AP2A2: variants seen among roughly 807,000 people sequenced by gnomAD.
The protein encoded by AP2A2 is adaptor related protein complex 2 subunit alpha 2.
A neutral mutation model predicts 104.2 loss-of-function variants in AP2A2; 32 were observed. The ratio of observed to expected loss-of-function variants is 0.31; its 90% CI spans 0.23 to 0.41. The LOEUF (loss-of-function observed/expected upper bound fraction) is 0.41. Ranked by LOEUF, AP2A2 falls within the 10% of genes least tolerant of loss-of-function variation. The pLI, the probability that AP2A2 is intolerant of heterozygous loss-of-function variation, is 1.00. For missense variants in AP2A2, 912 were observed against 1,261.0 expected (o/e 0.72, Z 4.19); for synonymous variants, 539 against 533.3 (o/e 1.01, Z -0.15).
At chr11:989,328 T>C (rs1408406860) in intron 10 of AP2A2, among the ~76,000 whole-genome samples, 2 of 150,798 alleles carry the variant, frequency 1.3e-5, no homozygotes, top group Non-Finnish European at 3.0e-5. Context: ...AGCGAAACTC[T>C]GTCTCAAAAA....
chr11:978,074 G>C (rs1855111100), intron 5 of AP2A2, among the ~76,000 whole-genome samples: 1 of 152,224 alleles, frequency 6.6e-6, no homozygotes. Flanking sequence ...AATGCCCTCT[G>C]ACAGCCCCAG....
rs546231359 is a variant in AP2A2, at chr11:1,007,800, G to T, written c.2297-212G>T. 5.8e-5 allele frequency: 37 copies of T among 636,884 alleles called. No individual in the cohort carries two copies. In the South Asian group the frequency reaches 6.2e-4, roughly 11 times the overall value. 39.5% of individuals were successfully genotyped at this position (636,884 alleles called of 1,614,324 possible). A position where few individuals can be genotyped will look rare whatever the true frequency, so the allele number is the denominator to read the frequency against. On this transcript the variant is annotated intron_variant, in intron 17 of 21. Coordinates refer to ENST00000448903, the MANE Select transcript of AP2A2 (RefSeq NM_012305.4). ...CTAAGTGACTTTTTAAAATGGAGGA[G>T]CCATTCTGGAAGCGTGAGAAGCAGA...
In AP2A2 at chr11:1,011,537, C is replaced by T; in HGVS notation, c.*912C>T. ...AAGTGAAGGGGCCATTGGCCGCATG[C>T]CATGTGCCACCTGCGGCTTGTGTCT... On this transcript the variant is annotated 3_prime_UTR_variant, in exon 22 of 22. Transcript: ENST00000448903. The T allele has an allele frequency of 6.3e-6, 3 of 476,532 alleles. No individual in the cohort carries two copies. The highest frequency in any genetic ancestry group is 2.3e-5 in the Admixed American group (1 of 44,254). The allele number at this position is 476,532 out of a possible 1,614,324, so 29.5% of individuals were successfully genotyped here. A position where few individuals can be genotyped will look rare whatever the true frequency, so the allele number is the denominator to read the frequency against.
chr11:1,004,330 G>T (rs888387783), intron 16 of AP2A2, among the ~76,000 whole-genome samples: 1 of 152,124 alleles, frequency 6.6e-6, no homozygotes, highest in African/African-American at 2.4e-5. Context: ...AAAATTAGCT[G>T]GGTGTAGTGG....
At chr11:971,867 G>C (rs1323081380) in intron 3 of AP2A2, among the ~76,000 whole-genome samples, 195 bp from the exon 4 acceptor site, 1 of 152,158 alleles carries the variant, frequency 6.6e-6, no homozygotes, top group Admixed American at 6.5e-5. Flanking sequence ...CATCGTAGCA[G>C]AGGCATCCTC....
intron 7 of AP2A2, 72 bp from the exon 8 acceptor site, chr11:985,363 T>G: frequency 1.3e-6 from 2 of 1,536,844 alleles, no homozygotes; most frequent in Non-Finnish European, 1.8e-6. Flanking sequence ...GATGTATGGG[T>G]GCAGCCGGGA....
intron 15 of AP2A2, among the ~76,000 whole-genome samples, chr11:1,001,732 C>A (rs1331913494): frequency 6.6e-6 from 1 of 152,056 alleles, no homozygotes; most frequent in Non-Finnish European, 1.5e-5. Flanking sequence ...AGGAAGGGAC[C>A]AGGGGCTGGG....
At chr11:964,777 A>G (rs1854556514) in intron 2 of AP2A2, among the ~76,000 whole-genome samples, 1 of 136,170 alleles carries the variant, frequency 7.3e-6, no homozygotes, top group Non-Finnish European at 1.7e-5. Context: ...AGGAAATGCC[A>G]AAGGAAATAA....
intron 10 of AP2A2, among the ~76,000 whole-genome samples, chr11:991,288 G>A (rs1375665707): frequency 1.3e-5 from 2 of 152,260 alleles, no homozygotes; most frequent in East Asian, 3.8e-4. Flanking sequence ...GCCATCCATG[G>A]AGGGGGACGG....
At chr11:983,435 T>C (rs535834117) in intron 6 of AP2A2, among the ~76,000 whole-genome samples, 13 of 151,814 alleles carry the variant, frequency 8.6e-5, no homozygotes, top group East Asian at 3.9e-4. Flanking sequence ...CAGGCTGGAG[T>C]GCAGTGGCAC....
At chr11:1,004,393 A>C (rs1856131759) in intron 16 of AP2A2, among the ~76,000 whole-genome samples, 1 of 152,136 alleles carries the variant, frequency 6.6e-6, no homozygotes, top group Non-Finnish European at 1.5e-5. Flanking sequence ...GAATCACTTG[A>C]ACCTGGGAGG....
rs908182102 is a variant in AP2A2 at position 968,468 on chromosome 11, C to T, written c.137-1701C>T. On this transcript the variant is annotated intron_variant, in intron 2 of 21. Transcript: ENST00000448903. The surrounding 1 kb of genome is among the most constrained non-coding windows in gnomAD (Gnocchi z 4.2). ...TCTCCATCCCCGTCCCCATCCCTGTCCCACAAAACTCAGCCCAGTCGGGCC... is the reference window on the plus strand; with the variant it reads ...TCTCCATCCCCGTCCCCATCCCTGTTCCACAAAACTCAGCCCAGTCGGGCC... 1.3e-5 allele frequency among the ~76,000 whole-genome samples: 2 copies of T among 152,144 alleles called. No homozygotes were observed. The highest frequency in any genetic ancestry group is 4.8e-5 in the African/African-American group (2 of 41,430).
chr11:1,008,168 G>A (rs920315954), intron 18 of AP2A2, 33 bp downstream of exon 18: 3 of 1,567,272 alleles, frequency 1.9e-6, no homozygotes, highest in African/African-American at 1.3e-5. Context: ...GGGCCAAGGG[G>A]TGTGTGGGCG....
chr11:975,967 C>T (rs1286207248), intron 4 of AP2A2, among the ~76,000 whole-genome samples: 1 of 152,052 alleles, frequency 6.6e-6, no homozygotes, highest in African/African-American at 2.4e-5. Context: ...AGGAGTGTGG[C>T]ATGCTGGGCG....
At chr11:942,464 G>C (rs1011548531) in intron 1 of AP2A2, 5 of 152,204 alleles carry the variant, frequency 3.3e-5, no homozygotes, top group Admixed American at 2.6e-4. Context: ...CAAAGGAAAG[G>C]CATGGGGCCT....
At chr11:994,277 T>C (rs1266677263) in intron 14 of AP2A2, 32 bp downstream of exon 14, 5 of 1,606,766 alleles carry the variant, frequency 3.1e-6, no homozygotes, top group Non-Finnish European at 4.3e-6. Context: ...CACCCAGACC[T>C]GTCAGGGCCT....
intron 2 of AP2A2, among the ~76,000 whole-genome samples, chr11:967,456 G>T (rs890806152): frequency 2.6e-5 from 4 of 151,914 alleles, no homozygotes; most frequent in Non-Finnish European, 5.9e-5. Context: ...CTGCCTCCCG[G>T]GTTCATGCCA....
chr11:944,193 A>G (rs1853755461), intron 1 of AP2A2, among the ~76,000 whole-genome samples: 1 of 152,236 alleles, frequency 6.6e-6, no homozygotes, highest in Non-Finnish European at 1.5e-5. Context: ...GTAGAGACTG[A>G]CATGGCACCT....
Position 926,062 on chromosome 11 carries a change from C to A in AP2A2, c.41C>A (p.Ala14Glu). The change falls in exon 1 of 22, where the codon GCG (alanine) becomes GAG (glutamate). Residue 14 changes from alanine to glutamate, a missense_variant. Around this residue, in one of 7 missense-constraint regions of AP2A2, gnomAD observed 43 missense variants for 47.0 expected, o/e 0.91. Transcript: ENST00000448903. ...AAGGGGGACGGGATGCGGGGCCTGG[C>A]GGTCTTCATCTCGGATATCCGCAAC... ...VSKGDGMRGL[A>E]VFISDIRNCK... The A allele has an allele frequency of 7.3e-7, 1 of 1,372,380 alleles. No homozygotes were observed. The highest frequency in any genetic ancestry group is 9.5e-7 in the Non-Finnish European group (1 of 1,051,810). The allele number at this position is 1,372,380 out of a possible 1,614,324, so 85.0% of individuals were successfully genotyped here.
Sources: allele counts gnomAD v4.1 joint callset (sites outside exome capture counted in the v4.1 genomes callset), GRCh38; gene constraint gnomAD v4.1.1; regional missense constraint gnomAD v4.1.1; non-coding constraint Gnocchi (gnomAD v3.1); transcripts MANE v1.5; gene names NCBI Gene and HGNC (gene_info 2026-07-23, HGNC 2026-07-21).